Variants in DIS3L2 observed in about 807,000 individuals in gnomAD.
DIS3L2 encodes DIS3-like exonuclease 2.
DIS3L2 carries 34 observed loss-of-function variants against 97.5 expected under a neutral mutation model. The ratio of observed to expected loss-of-function variants is 0.35; its 90% CI spans 0.27 to 0.46. The LOEUF (loss-of-function observed/expected upper bound fraction) is 0.46, where lower values mean the gene tolerates loss of function less well. DIS3L2 is among the 20% of genes least tolerant of loss of function. DIS3L2 has a pLI of 1.00. For missense variants in DIS3L2, 1,038 were observed against 1,146.0 expected (o/e 0.91, Z 1.36); for synonymous variants, 435 against 445.2 (o/e 0.98, Z 0.29).
At chr2:232,242,528 T>A (rs1329254756) in intron 11 of DIS3L2, among the ~76,000 whole-genome samples, 1 of 152,224 alleles carries the variant, frequency 6.6e-6, no homozygotes, top group Non-Finnish European at 1.5e-5. Context: ...TCTTCCCTTC[T>A]GTGGCCCTTT....
intron 5 of DIS3L2, among the ~76,000 whole-genome samples, chr2:232,062,761 C>T (rs1695747926): frequency 6.6e-6 from 1 of 151,946 alleles, no homozygotes. Flanking sequence ...CCCTCCTTCC[C>T]TCCTTTCTTC....
chr2:232,063,067 G>A (rs2106277924), intron 5 of DIS3L2, among the ~76,000 whole-genome samples: 1 of 152,000 alleles, frequency 6.6e-6, no homozygotes, highest in Admixed American at 6.5e-5. Context: ...CTTGTCTTCT[G>A]TATCACTAGG....
At chr2:232,212,127 C>T (rs1442462931) in intron 10 of DIS3L2, among the ~76,000 whole-genome samples, 2 of 152,228 alleles carry the variant, frequency 1.3e-5, no homozygotes, top group African/African-American at 2.4e-5. Context: ...AAGCAGCCTA[C>T]TTCAAAAAGC....
chr2:232,224,098 T>A (rs1002040814), intron 10 of DIS3L2, among the ~76,000 whole-genome samples: 3 of 152,072 alleles, frequency 2.0e-5, no homozygotes, highest in Admixed American at 6.5e-5. Context: ...AAAATTGCCA[T>A]GGAATTGTAG....
At chr2:232,189,223 C>A (rs1443264989) in intron 9 of DIS3L2, among the ~76,000 whole-genome samples, 1 of 152,158 alleles carries the variant, frequency 6.6e-6, no homozygotes. Context: ...CACTCCTGGG[C>A]ATTTATCCCA....
At chr2:232,128,173 CTT>C (rs1421443629) in intron 6 of DIS3L2, among the ~76,000 whole-genome samples, 4 of 151,930 alleles carry the variant, frequency 2.6e-5, no homozygotes, top group Non-Finnish European at 5.9e-5. Flanking sequence ...CCAGGCTGAT[CTT>C]GAACTCCTGG....
In DIS3L2 at chr2:232,293,950, A is replaced by T. The variant is rs968117763; in HGVS notation, c.1660-6090A>T. ...CTTAGGAGAAGCATGAGCACAAATT[A>T]CACAAGGGCAGTAGAGGGCCCGGAG... On this transcript the variant is annotated intron_variant, in intron 13 of 20. Coordinates refer to ENST00000325385, the MANE Select transcript of DIS3L2 (RefSeq NM_152383.5). The surrounding 1 kb of genome is among the most constrained non-coding windows in gnomAD (Gnocchi z 4.6). Among the ~76,000 whole-genome samples, 5 of 152,238 alleles carry T rather than the reference A, an allele frequency of 3.3e-5. No homozygotes were observed. Among genetic ancestry groups the T allele is most frequent in the Non-Finnish European group, 7.3e-5 (5 of 68,046 alleles).
rs1479102455 is a variant in DIS3L2 at position 232,336,287 on chromosome 2, TC to T, written c.2497-178del. ...TGGGAGCGCTCAGGATGCATCTGACTCCCCAACTCTGCCCTGACCCAGGGCA... is the reference window on the plus strand; with the variant it reads ...TGGGAGCGCTCAGGATGCATCTGACTCCCAACTCTGCCCTGACCCAGGGCA... On this transcript the variant is annotated intron_variant, in intron 20 of 20. Transcript: ENST00000325385. 4 of 1,546,656 alleles carry T rather than the reference TC, an allele frequency of 2.6e-6. No individual in the cohort carries two copies. The Admixed American group carries it at 5.9e-5, about 23-fold the overall frequency.
chr2:232,141,399 G>T (rs568891691), intron 8 of DIS3L2, among the ~76,000 whole-genome samples: 8 of 152,294 alleles, frequency 5.3e-5, no homozygotes, highest in Non-Finnish European at 1.0e-4. Flanking sequence ...CTGAAGATAT[G>T]TGACATGAAT....
downstream of DIS3L2, among the ~76,000 whole-genome samples, chr2:232,337,422 G>A (rs1695995283): frequency 6.6e-6 from 1 of 152,148 alleles, no homozygotes; most frequent in African/African-American, 2.4e-5. Context: ...CTGGACAGAG[G>A]AGCCGGCCTG....
intron 11 of DIS3L2, among the ~76,000 whole-genome samples, chr2:232,243,975 C>G (rs1283827741): frequency 6.6e-6 from 1 of 152,168 alleles, no homozygotes. Context: ...AGCTCCTTAG[C>G]TATTGGGAAG....
At chr2:232,193,852 G>A (rs530900387) in intron 9 of DIS3L2, among the ~76,000 whole-genome samples, 46 of 152,196 alleles carry the variant, frequency 3.0e-4, no homozygotes, top group African/African-American at 1.1e-3. Context: ...AATTCACGGC[G>A]AGGCCCAGCA....
intron 10 of DIS3L2, 76 bp from the exon 11 acceptor site, chr2:232,238,455 CAT>C (rs1447327069): frequency 5.5e-5 from 67 of 1,212,378 alleles, no homozygotes; most frequent in Non-Finnish European, 7.8e-5. Context: ...GAGTGACATA[CAT>C]TCTAGGAAAG....
In DIS3L2 at chr2:232,343,484, TG is replaced by T; in HGVS notation, c.1722del (p.Phe576SerfsTer17). 6.4e-7 allele frequency: 1 copy of T among 1,556,088 alleles called. No individual in the cohort carries two copies. Among genetic ancestry groups the T allele is most frequent in the South Asian group, 1.2e-5 (1 of 84,448 alleles). Reference sequence around the variant, plus strand: ...TGTGACAGGGATCCAGACACACGACTGTTTTTCCTTCAGCAACAGAGCCGTG... The same window carrying T: ...TGTGACAGGGATCCAGACACACGACTTTTTTCCTTCAGCAACAGAGCCGTG... On this transcript the variant is annotated frameshift_variant, in exon 14 of 14. Coordinates refer to the DIS3L2 transcript ENST00000273009. LOFTEE classifies it high-confidence loss of function.
intron 14 of DIS3L2, among the ~76,000 whole-genome samples, chr2:232,311,345 T>G (rs1174276297): frequency 6.6e-6 from 1 of 152,242 alleles, no homozygotes; most frequent in Non-Finnish European, 1.5e-5. Flanking sequence ...AACTTACTTC[T>G]GAATTATGAC....
At chr2:232,221,950 CT>C (rs1463280106) in intron 10 of DIS3L2, among the ~76,000 whole-genome samples, 3 of 148,170 alleles carry the variant, frequency 2.0e-5, no homozygotes, top group Non-Finnish European at 1.5e-5. Context: ...CATTTCTTTT[CT>C]TTTTTTTTTG....
rs146752471 is a variant in DIS3L2 at position 231,963,737 on chromosome 2, T to G, written c.-94+1972T>G. 3.3e-3 allele frequency among the ~76,000 whole-genome samples: 498 copies of G among 152,258 alleles called. 2 individuals are homozygous for G. The highest frequency in any genetic ancestry group is 5.3e-3 in the Non-Finnish European group (358 of 68,016). ...ATAGCTTGAGGTCTTTTATTTTATT[T>G]TGAGACAGGGTCTCACTGTCACCCA... On this transcript the variant is annotated intron_variant, in intron 1 of 20. Transcript: ENST00000325385.
chr2:232,094,487 G>A (rs919727901), intron 6 of DIS3L2, among the ~76,000 whole-genome samples: 22 of 152,070 alleles, frequency 1.4e-4, no homozygotes, highest in African/African-American at 4.8e-4. Context: ...GGAGGCCAAG[G>A]AAGGTGGATC....
intron 1 of DIS3L2, among the ~76,000 whole-genome samples, chr2:231,981,601 TA>T (rs1559512384): frequency 2.6e-3 from 177 of 69,148 alleles, no homozygotes; most frequent in African/African-American, 9.3e-3. Context: ...AAGTATTTTA[TA>T]TATATATATA....
Sources: allele counts gnomAD v4.1 joint callset (sites outside exome capture counted in the v4.1 genomes callset), GRCh38; gene constraint gnomAD v4.1.1; non-coding constraint Gnocchi (gnomAD v3.1); transcripts MANE v1.5; gene names NCBI Gene and HGNC (gene_info 2026-07-23, HGNC 2026-07-21).